Variants in KLF12 observed in about 807,000 individuals in gnomAD.
KLF12 encodes KLF transcription factor 12.
A neutral mutation model predicts 37.8 loss-of-function variants in KLF12; 9 were observed. That is an observed-to-expected ratio of 0.24 (90% CI 0.14 to 0.42). KLF12 has a LOEUF of 0.42. Ranked by LOEUF, KLF12 falls within the 10% of genes least tolerant of loss-of-function variation. The pLI, the probability that KLF12 is intolerant of heterozygous loss-of-function variation, is 1.00. For synonymous variants in KLF12, 208 were observed against 202.1 expected, an observed-to-expected ratio of 1.03 and a Z score of -0.25; for missense variants, 411 against 516.0, an observed-to-expected ratio of 0.80 and a Z score of 1.97.
chr13:73,721,928 G>A (rs1052533436), intron 6 of KLF12, among the ~76,000 whole-genome samples: 2 of 152,086 alleles, frequency 1.3e-5, no homozygotes, highest in African/African-American at 2.4e-5. Flanking sequence ...TTTGGCAGTG[G>A]TATATGCTAA....
intron 1 of KLF12, among the ~76,000 whole-genome samples, chr13:74,082,254 C>T (rs549678864): frequency 6.6e-6 from 1 of 151,716 alleles, no homozygotes; most frequent in Admixed American, 6.6e-5. Context: ...GATCACCTGA[C>T]CCCAGGAGTT....
At chr13:74,071,553 C>T (rs534332084) in intron 1 of KLF12, among the ~76,000 whole-genome samples, 14 of 151,844 alleles carry the variant, frequency 9.2e-5, no homozygotes, top group Middle Eastern at 3.4e-3. Flanking sequence ...ATTAGCCGGG[C>T]GTGGTGGCAG....
At chr13:73,875,724 C>T (rs574603458) in intron 3 of KLF12, among the ~76,000 whole-genome samples, 32 of 152,120 alleles carry the variant, frequency 2.1e-4, no homozygotes, top group African/African-American at 6.5e-4. Context: ...GACTTTTTAA[C>T]GTTTTACATT....
At chr13:73,901,850 T>C (rs1709011106) in intron 3 of KLF12, among the ~76,000 whole-genome samples, 1 of 152,180 alleles carries the variant, frequency 6.6e-6, no homozygotes, top group African/African-American at 2.4e-5. Context: ...GAGTCATTAA[T>C]TGAGGGTAGG....
At chr13:74,116,636 A>T (rs1288001758) in intron 1 of KLF12, among the ~76,000 whole-genome samples, 1 of 152,186 alleles carries the variant, frequency 6.6e-6, no homozygotes, top group Non-Finnish European at 1.5e-5. Flanking sequence ...AAAGTATTTT[A>T]ATCTTACAAA....
At chr13:74,037,295 G>T (rs1893275923) in intron 1 of KLF12, among the ~76,000 whole-genome samples, 1 of 150,498 alleles carries the variant, frequency 6.6e-6, no homozygotes, top group Non-Finnish European at 1.5e-5. Flanking sequence ...TTCCCTTCTA[G>T]ATCAGAAGTT....
chr13:74,213,568 C>T, the KLF12 span, among the ~76,000 whole-genome samples: 1 of 151,620 alleles, frequency 6.6e-6, no homozygotes, highest in South Asian at 2.1e-4. Flanking sequence ...TGAAAACTTC[C>T]TCTTTCCCTC....
intron 3 of KLF12, among the ~76,000 whole-genome samples, chr13:73,915,767 C>T (rs551607972): frequency 3.4e-5 from 5 of 147,096 alleles, no homozygotes; most frequent in African/African-American, 1.3e-4. Flanking sequence ...CTCCTGACCT[C>T]GTGATCCACC....
intron 3 of KLF12, among the ~76,000 whole-genome samples, chr13:73,849,695 C>T (rs1308735362): frequency 2.0e-5 from 3 of 152,078 alleles, no homozygotes; most frequent in South Asian, 4.1e-4. Context: ...GACACTTCTG[C>T]AAAAAGGACA....
At chr13:73,728,771 G>T (rs985476119) in intron 6 of KLF12, among the ~76,000 whole-genome samples, 1 of 152,122 alleles carries the variant, frequency 6.6e-6, no homozygotes, top group Non-Finnish European at 1.5e-5. Flanking sequence ...CTCATGGTAG[G>T]TAATCCTTTT....
chr13:73,891,177 T>A (rs1488414297), intron 3 of KLF12, among the ~76,000 whole-genome samples: 1 of 152,076 alleles, frequency 6.6e-6, no homozygotes, highest in Non-Finnish European at 1.5e-5. Context: ...TTAGAAGTAA[T>A]GCACATATAC....
chr13:74,100,554 T>C (rs1204885445), intron 1 of KLF12, among the ~76,000 whole-genome samples: 1 of 151,818 alleles, frequency 6.6e-6, no homozygotes, highest in Non-Finnish European at 1.5e-5. Context: ...GGAGACAGAG[T>C]TGCAGTGAGC....
At chr13:74,224,020 T>A in the KLF12 span, among the ~76,000 whole-genome samples, 1 of 152,212 alleles carries the variant, frequency 6.6e-6, no homozygotes, top group African/African-American at 2.4e-5. Flanking sequence ...CTGGCCCTCC[T>A]ATCTGCTTCT....
chr13:74,188,332 A>G, the KLF12 span, among the ~76,000 whole-genome samples: 4 of 152,154 alleles, frequency 2.6e-5, no homozygotes, highest in Non-Finnish European at 5.9e-5. Flanking sequence ...AAATTATGTC[A>G]CCTAGGCTGT....
At chr13:73,985,101 C>G (rs190270578) in intron 2 of KLF12, among the ~76,000 whole-genome samples, 2 of 152,316 alleles carry the variant, frequency 1.3e-5, no homozygotes, top group Non-Finnish European at 2.9e-5. Context: ...GCGTTGCAGC[C>G]AACAGACTGG....
At chr13:73,953,970 CTTTTTTTTTTTTTTT>C (rs67945624) in intron 2 of KLF12, among the ~76,000 whole-genome samples, 2 of 88,532 alleles carry the variant, frequency 2.3e-5, no homozygotes, top group Non-Finnish European at 4.3e-5. Context: ...TTTTTTCTTT[CTTTTTTTTTTTTTTT>C]TTTTTTTTTT....
chr13:73,945,272 C>T (rs1890369038), intron 2 of KLF12, among the ~76,000 whole-genome samples: 1 of 152,134 alleles, frequency 6.6e-6, no homozygotes, highest in Admixed American at 6.5e-5. Flanking sequence ...AGTTCGAGAC[C>T]AGCCTGGCCA....
intron 2 of KLF12, among the ~76,000 whole-genome samples, chr13:73,970,613 G>C (rs905931299): frequency 2.6e-5 from 4 of 152,158 alleles, no homozygotes; most frequent in African/African-American, 9.7e-5. Flanking sequence ...ATGCCAACTG[G>C]CGACATACAG....
intron 1 of KLF12, among the ~76,000 whole-genome samples, chr13:74,099,754 T>C (rs977619647): frequency 2.0e-5 from 3 of 152,162 alleles, no homozygotes; most frequent in African/African-American, 7.2e-5. Context: ...CATGGCTCTG[T>C]AGAGGTGAAG....
Sources: gnomAD v4.1 joint callset for allele counts (sites outside exome capture counted in the v4.1 genomes callset) on GRCh38, gnomAD v4.1.1 for gene constraint, MANE v1.5 for transcripts, NCBI Gene and HGNC (gene_info 2026-07-23, HGNC 2026-07-21) for gene names.